The following POLR3C variants were observed in gnomAD, a reference collection of about 807,000 sequenced individuals.
POLR3C encodes RNA polymerase III subunit C.
A neutral mutation model predicts 65.9 loss-of-function variants in POLR3C; 44 were observed. The ratio of observed to expected loss-of-function variants is 0.67; its 90% CI spans 0.52 to 0.86. POLR3C has a LOEUF of 0.86. Ranked by LOEUF, POLR3C falls within the 40% of genes least tolerant of loss-of-function variation. The pLI is 0.00. For synonymous variants in POLR3C, 263 were observed against 231.6 expected, an observed-to-expected ratio of 1.14 and a Z score of -1.23; for missense variants, 576 against 653.2, an observed-to-expected ratio of 0.88 and a Z score of 1.29.
chr1:145,832,712 A>C (rs1316210247), intron 5 of POLR3C, among the ~76,000 whole-genome samples: 1 of 152,108 alleles, frequency 6.6e-6, no homozygotes, highest in Non-Finnish European at 1.5e-5. Context: ...ACTTGAAAGT[A>C]ATGGAGAAGA....
intron 4 of POLR3C, among the ~76,000 whole-genome samples, chr1:145,828,401 G>A (rs1260495291): frequency 6.6e-6 from 1 of 152,154 alleles, no homozygotes; most frequent in Non-Finnish European, 1.5e-5. Context: ...GGAGAATGGG[G>A]CAAAGGTAAA....
At chr1:145,839,475 C>T (rs1248556098) in intron 11 of POLR3C, 1 of 163,994 alleles carries the variant, frequency 6.1e-6, no homozygotes, top group Non-Finnish European at 1.3e-5. Context: ...CCTGTATTCT[C>T]AGCACTTTGG....
rs1553725764 is a variant in POLR3C at position 145,826,502 on chromosome 1, C to T, written c.196C>T (p.Gln66Ter). The change falls in exon 3 of 15, where the codon CAA (glutamine) becomes TAA (stop). Residue 66 changes from glutamine to a stop codon, truncating the protein, a stop_gained. Coordinates refer to ENST00000334163, the MANE Select transcript of POLR3C (RefSeq NM_006468.8). LOFTEE classifies it high-confidence loss of function. ...VLVQHNLVSYQVHKRGVVEYE... is the reference protein window; with the variant it reads ...VLVQHNLVSY Reference sequence around the variant, plus strand: ...CGTCCAACATAACCTGGTGAGTTATCAAGTGCACAAACGTGGTGTGGTGGA... The same window carrying T: ...CGTCCAACATAACCTGGTGAGTTATTAAGTGCACAAACGTGGTGTGGTGGA... 1.9e-6 allele frequency: 3 copies of T among 1,613,660 alleles called. No homozygotes were observed. The highest frequency in any genetic ancestry group is 2.5e-6 in the Non-Finnish European group (3 of 1,179,824).
intron 14 of POLR3C, among the ~76,000 whole-genome samples, chr1:145,841,958 C>G (rs587629677): frequency 6.6e-6 from 1 of 152,102 alleles, no homozygotes; most frequent in Non-Finnish European, 1.5e-5. Flanking sequence ...TCCTAGATGG[C>G]TTTTGTCAGG....
intron 1 of POLR3C, 83 bp downstream of exon 1, chr1:145,824,452 G>C: frequency 1.2e-6 from 1 of 839,508 alleles, no homozygotes; most frequent in Non-Finnish European, 1.7e-6. Context: ...TGTAAAGGAA[G>C]TGTAGAGCTA....
chr1:145,839,724 C>A, intron 11 of POLR3C, 166 bp from the exon 12 acceptor site: 2 of 583,748 alleles, frequency 3.4e-6, no homozygotes, highest in South Asian at 2.2e-5. Context: ...GAGCAAGACC[C>A]AGTCTCAAAA....
intron 1 of POLR3C, chr1:145,824,575 GGACGGGGAGGCAAA>G: frequency 7.9e-7 from 1 of 1,261,992 alleles, no homozygotes; most frequent in African/African-American, 1.5e-5. Flanking sequence ...GGCGGGGTGG[GGACGGGGAGGCAAA>G]GACTTGGCTT....
intron 7 of POLR3C, among the ~76,000 whole-genome samples, chr1:145,833,871 C>A (rs1363979522): frequency 6.6e-6 from 1 of 152,178 alleles, no homozygotes; most frequent in African/African-American, 2.4e-5. Context: ...CCTTGGCATT[C>A]AGGACATTAT....
chr1:145,828,510 T>A (rs1553726368), intron 4 of POLR3C, among the ~76,000 whole-genome samples: 1 of 152,148 alleles, frequency 6.6e-6, no homozygotes, highest in Non-Finnish European at 1.5e-5. Flanking sequence ...GAGGATGATA[T>A]CACTGGCCAT....
At chr1:145,826,055 T>C in intron 2 of POLR3C, 132 bp downstream of exon 2, 1 of 721,462 alleles carries the variant, frequency 1.4e-6, no homozygotes, top group Non-Finnish European at 2.3e-6. Flanking sequence ...ACAATGTTAT[T>C]TCGGGGAGAA....
intron 5 of POLR3C, among the ~76,000 whole-genome samples, chr1:145,832,909 C>T (rs1651454049): frequency 6.6e-6 from 1 of 152,092 alleles, no homozygotes; most frequent in African/African-American, 2.4e-5. Flanking sequence ...GTAATCCCAA[C>T]TACTCAGTAG....
At position 145,843,858 on chromosome 1, in the gene POLR3C, G is replaced by A. The variant is rs1652470957; in HGVS notation, c.*1438G>A. On this transcript the variant is annotated 3_prime_UTR_variant, in exon 15 of 15. Transcript: ENST00000334163. ...AAAAGAACAATCCAACTTAAAAATG[G>A]CCAAAAGATCTTAATAGGTAGTTTT... Among the ~76,000 whole-genome samples the A allele has an allele frequency of 6.6e-6, 1 of 152,156 alleles. No individual in the cohort carries two copies. Among genetic ancestry groups the A allele is most frequent in the African/African-American group, 2.4e-5 (1 of 41,436 alleles).
chr1:145,832,485 G>T (rs1312446809), intron 5 of POLR3C, among the ~76,000 whole-genome samples: 1 of 152,048 alleles, frequency 6.6e-6, no homozygotes, highest in Non-Finnish European at 1.5e-5. Context: ...GAGAGAGTAA[G>T]ATTTGGAATA....
intron 7 of POLR3C, among the ~76,000 whole-genome samples, chr1:145,835,043 G>A (rs1651686126): frequency 6.6e-6 from 1 of 151,040 alleles, no homozygotes; most frequent in South Asian, 2.1e-4. Context: ...CTATTCGAGA[G>A]GCTGAGGCAG....
At chr1:145,831,705 T>C (rs2101640909) in intron 5 of POLR3C, among the ~76,000 whole-genome samples, 1 of 152,166 alleles carries the variant, frequency 6.6e-6, no homozygotes, top group East Asian at 1.9e-4. Context: ...AATCTGTGGA[T>C]ACTGAGGAAA....
chr1:145,836,642 A>G (rs1306604714), intron 8 of POLR3C, 68 bp downstream of exon 8: 3 of 1,028,572 alleles, frequency 2.9e-6, no homozygotes, highest in East Asian at 2.4e-5. Flanking sequence ...TTCTGCACTG[A>G]TACCTAGTGT....
intron 5 of POLR3C, among the ~76,000 whole-genome samples, chr1:145,829,530 G>A (rs1398565013): frequency 6.6e-6 from 1 of 152,178 alleles, no homozygotes; most frequent in Non-Finnish European, 1.5e-5. Context: ...GACTTTCTAA[G>A]TTGTTCAAAA....
chr1:145,830,326 G>A (rs1229752859), intron 5 of POLR3C, among the ~76,000 whole-genome samples: 3 of 151,560 alleles, frequency 2.0e-5, no homozygotes, highest in African/African-American at 7.3e-5. Context: ...AAAAAACCCA[G>A]TTAGGAGGCT....
chr1:145,832,270 G>C lies in POLR3C; in HGVS notation c.679-990G>C, dbSNP rs587700221. Among the ~76,000 whole-genome samples, 29 of 152,302 alleles carry C rather than the reference G, an allele frequency of 1.9e-4. No individual in the cohort carries two copies. In the South Asian group the frequency reaches 5.6e-3, roughly 29 times the overall value. ...AGTGGAAATGGGTTGCGTAAATCTAGGTAGAGATACAACTGAGATGGCCAA... is the reference window on the plus strand; with the variant it reads ...AGTGGAAATGGGTTGCGTAAATCTACGTAGAGATACAACTGAGATGGCCAA... On this transcript the variant is annotated intron_variant, in intron 5 of 14. Coordinates refer to ENST00000334163, the MANE Select transcript of POLR3C (RefSeq NM_006468.8).
Sources: gnomAD v4.1 joint callset for allele counts (sites outside exome capture counted in the v4.1 genomes callset) on GRCh38, gnomAD v4.1.1 for gene constraint, MANE v1.5 for transcripts, NCBI Gene and HGNC (gene_info 2026-07-23, HGNC 2026-07-21) for gene names.